TRPM3: variants seen among roughly 807,000 people sequenced by gnomAD.
The protein encoded by TRPM3 is long transient receptor potential channel 3.
In TRPM3, 77 loss-of-function variants were observed where a neutral mutation model predicts 181.2. The observed-to-expected ratio is 0.42, with a 90% confidence interval of 0.35 to 0.51. The LOEUF is 0.51. Among genes scored for constraint, TRPM3 ranks in the 20% least tolerant of loss-of-function variants. TRPM3 has a pLI of 0.01. For synonymous variants in TRPM3, 745 were observed against 796.4 expected (o/e 0.94, Z 1.09); for missense variants, 1,759 against 2,196.7 (o/e 0.80, Z 3.98).
chr9:71,037,210 T>G (rs1483663713), intron 1 of TRPM3, among the ~76,000 whole-genome samples: 2 of 152,252 alleles, frequency 1.3e-5, no homozygotes, highest in Non-Finnish European at 2.9e-5. Flanking sequence ...TTATGATTAT[T>G]TTCAACTTAT....
At chr9:70,888,697 C>T (rs530345716) in intron 1 of TRPM3, among the ~76,000 whole-genome samples, 1 of 152,182 alleles carries the variant, frequency 6.6e-6, no homozygotes, top group Non-Finnish European at 1.5e-5. Flanking sequence ...TACTTTGGCT[C>T]AGCAGAGGTG....
intron 1 of TRPM3, among the ~76,000 whole-genome samples, chr9:71,272,143 T>G (rs1424824135): frequency 6.6e-6 from 1 of 152,190 alleles, no homozygotes. Context: ...AGCATCATTT[T>G]CAGTGTTTGG....
intron 1 of TRPM3, among the ~76,000 whole-genome samples, chr9:70,886,312 A>T (rs2096081586): frequency 6.6e-6 from 1 of 152,218 alleles, no homozygotes; most frequent in Non-Finnish European, 1.5e-5. Flanking sequence ...TACGTGGAGC[A>T]TCGTTGGTGG....
At chr9:70,838,299 C>G (rs1355919734) in intron 5 of TRPM3, among the ~76,000 whole-genome samples, 1 of 151,894 alleles carries the variant, frequency 6.6e-6, no homozygotes, top group Non-Finnish European at 1.5e-5. Context: ...TTCAAATTTC[C>G]AAGGCGATAA....
Position 71,301,769 on chromosome 9 carries a change from T to TTCA in TRPM3, c.183+144883_183+144884insTGA, listed in dbSNP as rs1554869075. Among the ~76,000 whole-genome samples, 4 of 152,086 alleles carry TTCA rather than the reference T, an allele frequency of 2.6e-5. No homozygotes were observed. In the East Asian group the frequency reaches 7.7e-4, roughly 29 times the overall value. ...AGCCAGTTGCTTCATTATAAAGTGC[T>TTCA]TTATTATTATTATTATAAGAACTGT... On this transcript the variant is annotated intron_variant, in intron 1 of 24. Coordinates refer to the TRPM3 transcript ENST00000357533.
At chr9:71,104,113 A>G (rs866738861) in intron 1 of TRPM3, among the ~76,000 whole-genome samples, 4 of 152,030 alleles carry the variant, frequency 2.6e-5, no homozygotes, top group African/African-American at 9.7e-5. Flanking sequence ...ATGGGGCTTC[A>G]CCATGTTGGC....
At chr9:70,645,369 C>A (rs551001846) in intron 9 of TRPM3, among the ~76,000 whole-genome samples, 73 of 151,110 alleles carry the variant, frequency 4.8e-4, no homozygotes, top group African/African-American at 1.6e-3. Flanking sequence ...ATATATATAT[C>A]AATGGAACAG....
At chr9:71,269,678 C>T (rs2083645225) in intron 1 of TRPM3, among the ~76,000 whole-genome samples, 1 of 152,188 alleles carries the variant, frequency 6.6e-6, no homozygotes, top group South Asian at 2.1e-4. Context: ...TGCCCTACAT[C>T]TGACAAATAA....
chr9:71,127,457 T>TA (rs2074114456), intron 1 of TRPM3, among the ~76,000 whole-genome samples: 3 of 152,160 alleles, frequency 2.0e-5, no homozygotes. Context: ...TCATCTTCCC[T>TA]ATCTTTATCT....
chr9:70,575,781 T>C (rs1239662114), intron 22 of TRPM3, among the ~76,000 whole-genome samples: 1 of 152,174 alleles, frequency 6.6e-6, no homozygotes, highest in Admixed American at 6.5e-5. Context: ...ATGACAGAAC[T>C]GAGATTCAGT....
chr9:70,886,610 G>T (rs1474060457), intron 1 of TRPM3, among the ~76,000 whole-genome samples: 2 of 152,152 alleles, frequency 1.3e-5, no homozygotes, highest in Admixed American at 1.3e-4. Flanking sequence ...TACTGGGGAT[G>T]GCGATCCTCT....
At chr9:71,308,285 A>G (rs942263934) in intron 1 of TRPM3, among the ~76,000 whole-genome samples, 4 of 152,078 alleles carry the variant, frequency 2.6e-5, no homozygotes, top group African/African-American at 9.7e-5. Flanking sequence ...TGTTTCTTTA[A>G]AAAAAACCTA....
chr9:71,148,075 A>G (rs2075524787), intron 1 of TRPM3, among the ~76,000 whole-genome samples: 1 of 150,722 alleles, frequency 6.6e-6, no homozygotes, highest in South Asian at 2.1e-4. Context: ...TCAAGTGGGG[A>G]TGACAGAGAG....
chr9:71,307,178 G>C lies in TRPM3; in HGVS notation c.183+139475C>G, dbSNP rs1255676171. Among the ~76,000 whole-genome samples, 3 of 152,150 alleles carry C rather than the reference G, an allele frequency of 2.0e-5. No individual in the cohort carries two copies. The East Asian group carries it at 5.8e-4, about 29-fold the overall frequency. On this transcript the variant is annotated intron_variant, in intron 1 of 24. Transcript: ENST00000357533. ...CTTCTGTGAGTACTGATAATCTCCAGTTAGTTTTATGTGACCTGACGATAC... is the reference window on the plus strand; with the variant it reads ...CTTCTGTGAGTACTGATAATCTCCACTTAGTTTTATGTGACCTGACGATAC...
chr9:70,774,622 C>G (rs1268879208), intron 7 of TRPM3: 1 of 152,048 alleles, frequency 6.6e-6, no homozygotes, highest in African/African-American at 2.4e-5. Context: ...TATCAAATGG[C>G]AAAAACCAAG....
intron 1 of TRPM3, among the ~76,000 whole-genome samples, chr9:71,239,089 A>G (rs1471310731): frequency 1.3e-5 from 2 of 149,178 alleles, no homozygotes; most frequent in Non-Finnish European, 3.0e-5. Flanking sequence ...ACAAACAAAC[A>G]AAAAAAAACA....
At chr9:71,377,501 A>G (rs1199785418) in intron 1 of TRPM3, among the ~76,000 whole-genome samples, 3 of 152,042 alleles carry the variant, frequency 2.0e-5, no homozygotes, top group Non-Finnish European at 4.4e-5. Context: ...TGCCAGAACC[A>G]ACTTACCATG....
chr9:70,757,874 T>G (rs1252515003), intron 8 of TRPM3, among the ~76,000 whole-genome samples: 1 of 152,192 alleles, frequency 6.6e-6, no homozygotes, highest in Non-Finnish European at 1.5e-5. Flanking sequence ...GCCAATATCA[T>G]ACTGAATGTG....
At chr9:71,166,948 T>C (rs544401681) in intron 1 of TRPM3, among the ~76,000 whole-genome samples, 42 of 152,280 alleles carry the variant, frequency 2.8e-4, no homozygotes, top group African/African-American at 1.0e-3. Flanking sequence ...TATGAAAATG[T>C]CCCAGGTACT....
Sources: allele counts gnomAD v4.1 joint callset (sites outside exome capture counted in the v4.1 genomes callset), GRCh38; gene constraint gnomAD v4.1.1; transcripts MANE v1.5; gene names NCBI Gene and HGNC (gene_info 2026-07-23, HGNC 2026-07-21).